Variants in CD34 observed in about 807,000 individuals in gnomAD.
CD34 encodes the protein hematopoietic progenitor cell antigen CD34.
A neutral mutation model predicts 40.1 loss-of-function variants in CD34; 34 were observed. That is an observed-to-expected ratio of 0.85 (90% confidence interval 0.65 to 1.13). The LOEUF is 1.13. CD34 is among the 50% of genes most tolerant of loss of function. The pLI, the probability that CD34 is intolerant of heterozygous loss-of-function variation, is 0.00. For synonymous variants in CD34, 209 were observed against 190.0 expected (o/e 1.10, Z -0.82); for missense variants, 426 against 466.9 (o/e 0.91, Z 0.81).
intron 1 of CD34, among the ~76,000 whole-genome samples, chr1:207,905,707 T>G (rs1016256444): frequency 6.6e-6 from 1 of 152,232 alleles, no homozygotes. Flanking sequence ...GCCAACATGA[T>G]GCCGCAAGTG....
In CD34 at chr1:207,905,749, TCA is replaced by T. The variant is rs1407133427; in HGVS notation, c.79+5251_79+5252del. 2.0e-5 allele frequency among the ~76,000 whole-genome samples: 3 copies of T among 152,302 alleles called. No individual in the cohort carries two copies. In the East Asian group the frequency reaches 5.8e-4, roughly 29 times the overall value. ...TCCACACCTGACCTCATGTGACAGG[TCA>T]CAGTCAAAACACAGTCAACACTTTG... On this transcript the variant is annotated intron_variant, in intron 1 of 7. Coordinates refer to ENST00000310833, the MANE Select transcript of CD34 (RefSeq NM_001025109.2).
intron 4 of CD34, among the ~76,000 whole-genome samples, chr1:207,896,316 G>T (rs1417648513): frequency 6.6e-6 from 1 of 152,194 alleles, no homozygotes. Flanking sequence ...AGCAAGGTCT[G>T]CCAGAATCAT....
At chr1:207,890,218 A>G in intron 4 of CD34, 9 of 1,000,102 alleles carry the variant, frequency 9.0e-6, no homozygotes, top group Non-Finnish European at 1.1e-5. Context: ...AAGTTCATAG[A>G]TTTTTCTTCA....
intron 5 of CD34, 110 bp from the exon 6 acceptor site, chr1:207,889,323 G>T: frequency 6.4e-7 from 1 of 1,570,980 alleles, no homozygotes; most frequent in Non-Finnish European, 8.7e-7. Context: ...GTCCATCTCG[G>T]GGGGACCGCT....
Position 207,899,967 on chromosome 1 carries a change from G to A in CD34, c.116C>T (p.Ala39Val). The A allele has an allele frequency of 6.2e-7, 1 of 1,613,304 alleles. No homozygotes were observed. Among genetic ancestry groups the A allele is most frequent in the Non-Finnish European group, 8.5e-7 (1 of 1,179,484 alleles). Residue 39 changes from alanine to valine, a missense_variant, in exon 2 of 8, where the codon GCT (alanine) becomes GTT (valine). Coordinates refer to ENST00000310833, the MANE Select transcript of CD34 (RefSeq NM_001025109.2). Reference sequence around the variant, plus strand: ...TCCCTGGGTAGGTAACTCTGGGGTAGCAGTACCGTTGTTGTCAAGACTCAT... The same window carrying A: ...TCCCTGGGTAGGTAACTCTGGGGTAACAGTACCGTTGTTGTCAAGACTCAT... ...GFMSLDNNGT[A>V]TPELPTQGTF...
chr1:207,896,050 T>A (rs1662144094), intron 4 of CD34, among the ~76,000 whole-genome samples: 1 of 152,218 alleles, frequency 6.6e-6, no homozygotes, highest in Non-Finnish European at 1.5e-5. Flanking sequence ...TTTACAAATT[T>A]GTAAGTCAGA....
intron 1 of CD34, among the ~76,000 whole-genome samples, chr1:207,905,834 A>T (rs1025871368): frequency 3.3e-5 from 5 of 152,234 alleles, no homozygotes; most frequent in African/African-American, 1.2e-4. Flanking sequence ...CTATGTATAT[A>T]AGGTATACAG....
At chr1:207,888,059 G>A (rs767976963) in intron 7 of CD34, 136 bp from the exon 8 acceptor site, 3 of 1,612,274 alleles carry the variant, frequency 1.9e-6, no homozygotes, top group Non-Finnish European at 2.5e-6. Context: ...GGATCGGAGG[G>A]AGGGTGCAGC....
intron 1 of CD34, among the ~76,000 whole-genome samples, chr1:207,910,592 C>A (rs1662487449): frequency 6.6e-6 from 1 of 152,160 alleles, no homozygotes; most frequent in Admixed American, 6.5e-5. Flanking sequence ...CAATCCGCTC[C>A]GTGTCTATAC....
rs1471712158 is a variant in CD34, at chr1:207,884,271, C to T, written c.*3467G>A. 1 of 152,254 alleles carries T rather than the reference C, an allele frequency of 6.6e-6. No homozygotes were observed. The highest frequency in any genetic ancestry group is 1.5e-5 in the Non-Finnish European group (1 of 68,046). 9.4% of individuals were successfully genotyped at this position (152,254 alleles called of 1,614,324 possible). The stretch of plus-strand genomic sequence containing the variant: ...GTAACCACCATATGTAAAATACCAA[C>T]CATTATTCTCAATATATTTTATGTT... On this transcript the variant is annotated 3_prime_UTR_variant, in exon 8 of 8. Coordinates refer to ENST00000310833, the MANE Select transcript of CD34 (RefSeq NM_001025109.2).
At chr1:207,908,734 C>T (rs1662440173) in intron 1 of CD34, among the ~76,000 whole-genome samples, 1 of 152,202 alleles carries the variant, frequency 6.6e-6, no homozygotes. Context: ...GCCTGGTGGC[C>T]CTTGAGCCCC....
chr1:207,888,859 A>G lies in CD34; in HGVS notation c.808-13T>C. On this transcript the variant is annotated splice_polypyrimidine_tract_variant and intron_variant, in intron 6 of 7. Coordinates refer to ENST00000310833, the MANE Select transcript of CD34 (RefSeq NM_001025109.2). ...CTAGGATCCCCAGCTTGAAAAGAAG[A>G]CAAAGAAGATACAGCCTGTCACTTG... 1 of 1,613,750 alleles carries G rather than the reference A, an allele frequency of 6.2e-7. No homozygotes were observed. The highest frequency in any genetic ancestry group is 8.5e-7 in the Non-Finnish European group (1 of 1,179,714).
chr1:207,888,066 C>T (rs1264225089), intron 7 of CD34, 143 bp from the exon 8 acceptor site: 2 of 1,612,892 alleles, frequency 1.2e-6, no homozygotes, highest in East Asian at 2.2e-5. Flanking sequence ...AGGGAGGGTG[C>T]AGCTGCATGT....
chr1:207,888,627 TC>T (rs1661960731), intron 7 of CD34, 54 bp downstream of exon 7: 3 of 1,565,380 alleles, frequency 1.9e-6, no homozygotes, highest in Non-Finnish European at 2.6e-6. Context: ...TCCACTGAAC[TC>T]CCCAGAAACC....
intron 1 of CD34, among the ~76,000 whole-genome samples, chr1:207,902,369 G>A (rs1245858743): frequency 6.6e-6 from 1 of 152,228 alleles, no homozygotes; most frequent in Admixed American, 6.5e-5. Flanking sequence ...TCTCTGTAGA[G>A]AAAAGGATGG....
rs1661863488 is a variant in CD34 at position 207,884,630 on chromosome 1, A to G, written c.*3108T>C. 1 of 152,260 alleles carries G rather than the reference A, an allele frequency of 6.6e-6. No homozygotes were observed. Among genetic ancestry groups the G allele is most frequent in the Non-Finnish European group, 1.5e-5 (1 of 68,044 alleles). 9.4% of individuals were successfully genotyped at this position (152,260 alleles called of 1,614,324 possible). A position where few individuals can be genotyped will look rare whatever the true frequency, so the allele number is the denominator to read the frequency against. On this transcript the variant is annotated 3_prime_UTR_variant, in exon 8 of 8. Transcript: ENST00000310833. ...ATCTACCTAGAAGGGATGAGATGGA[A>G]GTGATCTATTTATCTGGACTTAGAT...
Position 207,899,037 on chromosome 1 carries a change from G to A in CD34, c.452C>T (p.Thr151Ile). ...GNVSDLSTTS[T>I]SLATSPTKPY... is the part of the protein sequence containing the mutation. Reference sequence around the variant, plus strand: ...TTTAGTGGGAGATGTTGCAAGGCTAGTGCTAGTGGTTGAAAGGTCTGAAAC... The same window carrying A: ...TTTAGTGGGAGATGTTGCAAGGCTAATGCTAGTGGTTGAAAGGTCTGAAAC... The change falls in exon 3 of 8, where the codon ACT becomes ATT. Residue 151 changes from threonine (T) to isoleucine (I), a missense_variant. By Grantham distance (89) the Thr-to-Ile change is moderately conservative (BLOSUM62 -1). Coordinates refer to ENST00000310833, the MANE Select transcript of CD34 (RefSeq NM_001025109.2). 1 of 1,614,152 alleles carries A rather than the reference G, an allele frequency of 6.2e-7. No individual in the cohort carries two copies. Among genetic ancestry groups the A allele is most frequent in the Non-Finnish European group, 8.5e-7 (1 of 1,179,954 alleles).
intron 7 of CD34, 105 bp downstream of exon 7, chr1:207,888,577 G>T: frequency 9.0e-7 from 1 of 1,117,264 alleles, no homozygotes; most frequent in Non-Finnish European, 1.3e-6. Flanking sequence ...TAAGCTCACA[G>T]AAGGGCTTTT....
Position 207,889,143 on chromosome 1 carries a change from T to C in CD34, c.807+18A>G, listed in dbSNP as rs1413418490. On this transcript the variant is annotated intron_variant, in intron 6 of 7. Coordinates refer to ENST00000310833, the MANE Select transcript of CD34 (RefSeq NM_001025109.2). ...GCCCCGGCATTCCCTCTCAGGCCCA[T>C]CATCTCAGAGGACTTACCTTTTTCA... is the stretch of plus-strand genomic sequence containing the variant. The C allele has an allele frequency of 6.9e-7, 1 of 1,447,506 alleles. No homozygotes were observed. Among genetic ancestry groups the C allele is most frequent in the Admixed American group, 1.7e-5 (1 of 59,840 alleles). The allele number at this position is 1,447,506 out of a possible 1,614,324, so 89.7% of individuals were successfully genotyped here.
Sources: allele counts gnomAD v4.1 joint callset (sites outside exome capture counted in the v4.1 genomes callset), GRCh38; gene constraint gnomAD v4.1.1; transcripts MANE v1.5; gene names NCBI Gene and HGNC (gene_info 2026-07-23, HGNC 2026-07-21).